The following DLGAP2 variants were observed in gnomAD, a reference collection of about 807,000 sequenced individuals.
DLGAP2 encodes the protein DLG associated protein 2.
A neutral mutation model predicts 100.3 loss-of-function variants in DLGAP2; 26 were observed. The observed-to-expected ratio is 0.26, with a 90% CI of 0.19 to 0.36. DLGAP2 has a LOEUF of 0.36. Among genes scored for constraint, DLGAP2 ranks in the 10% least tolerant of loss-of-function variants. The pLI is 1.00. For missense variants in DLGAP2, 1,858 were observed against 1,453.2 expected, an observed-to-expected ratio of 1.28 and a Z score of -4.53; for synonymous variants, 886 against 630.1, an observed-to-expected ratio of 1.41 and a Z score of -6.08.
At chr8:1,303,333 C>T (rs1297082668) in intron 3 of DLGAP2, among the ~76,000 whole-genome samples, 2 of 148,450 alleles carry the variant, frequency 1.3e-5, no homozygotes, top group Admixed American at 1.4e-4. Flanking sequence ...GGAGGCGGAG[C>T]TTGCACAGAG....
chr8:1,188,128 G>A (rs1720296032), intron 2 of DLGAP2, among the ~76,000 whole-genome samples: 4 of 139,618 alleles, frequency 2.9e-5, no homozygotes, highest in African/African-American at 5.6e-5. Flanking sequence ...TTTGCCTCAC[G>A]GAATCTCGCA....
At chr8:1,572,688 G>T (rs1357711982) in intron 6 of DLGAP2, among the ~76,000 whole-genome samples, 1 of 122,266 alleles carries the variant, frequency 8.2e-6, no homozygotes, top group Non-Finnish European at 1.7e-5. Context: ...AGAGGAGAGA[G>T]GGTGGACTGT....
At chr8:1,319,825 C>A (rs534130597) in intron 3 of DLGAP2, among the ~76,000 whole-genome samples, 1 of 152,146 alleles carries the variant, frequency 6.6e-6, no homozygotes, top group East Asian at 1.9e-4. Flanking sequence ...ACATGCCAGA[C>A]AATGGCAAGG....
At chr8:1,069,431 C>A (rs1803361354) in intron 2 of DLGAP2, among the ~76,000 whole-genome samples, 1 of 152,112 alleles carries the variant, frequency 6.6e-6, no homozygotes, top group Non-Finnish European at 1.5e-5. Context: ...TCCTCTCAGC[C>A]CTTAAGGTCA....
At position 1,678,495 on chromosome 8, in the gene DLGAP2, A is replaced by C. The variant is rs748279263; in HGVS notation, c.2570A>C (p.Glu857Ala). The C allele has an allele frequency of 6.2e-7, 1 of 1,612,714 alleles. No homozygotes were observed. The highest frequency in any genetic ancestry group is 2.2e-5 in the East Asian group (1 of 44,804). ...CTGGAGCCCGCCATCGACACGGTAGAGACTGGGAGGATGTCTCCGTGCCGC... is the reference window on the plus strand; with the variant it reads ...CTGGAGCCCGCCATCGACACGGTAGCGACTGGGAGGATGTCTCCGTGCCGC... The part of the protein sequence containing the change: ...PWLEPAIDTV[E>A]TGRMSPCRRD... Residue 857 changes from glutamate (E) to alanine (A), a missense_variant, in exon 12 of 15, where the codon GAG (glutamate) becomes GCG (alanine). Transcript: ENST00000637795.
At chr8:1,036,666 C>T (rs1379374148) in intron 2 of DLGAP2, among the ~76,000 whole-genome samples, 1 of 152,042 alleles carries the variant, frequency 6.6e-6, no homozygotes, top group Non-Finnish European at 1.5e-5. Flanking sequence ...GAACCGTGCA[C>T]CCTAGAGAGC....
intron 4 of DLGAP2, among the ~76,000 whole-genome samples, chr8:1,515,842 A>G (rs959562258): frequency 6.6e-6 from 1 of 152,218 alleles, no homozygotes; most frequent in Non-Finnish European, 1.5e-5. Context: ...GTACTGTGCT[A>G]TGGACTCTTT....
intron 3 of DLGAP2, among the ~76,000 whole-genome samples, chr8:1,328,084 G>T (rs537570376): frequency 1.3e-5 from 2 of 152,038 alleles, no homozygotes; most frequent in African/African-American, 4.8e-5. Context: ...CTGTCTCCCA[G>T]GCTGGAGTGC....
At position 1,170,504 on chromosome 8, in the gene DLGAP2, A is replaced by G. The variant is rs546925305; in HGVS notation, c.74-88347A>G. Among the ~76,000 whole-genome samples, 10 of 151,782 alleles carry G rather than the reference A, an allele frequency of 6.6e-5. 1 individual carries two copies. In the South Asian group the frequency reaches 1.5e-3, roughly 22 times the overall value. ...TCTGGTAGAATTCGGCTGTGAATCC[A>G]TCTGGTCCTGGACTCTTTTTGGTTG... On this transcript the variant is annotated intron_variant, in intron 2 of 14. Transcript: ENST00000637795.
chr8:1,439,609 C>G (rs1563150135), intron 3 of DLGAP2, among the ~76,000 whole-genome samples: 3 of 152,034 alleles, frequency 2.0e-5, no homozygotes, highest in African/African-American at 7.2e-5. Flanking sequence ...TTTTTCTAGA[C>G]AAATAGAACG....
At chr8:1,200,496 T>C (rs150523819) in intron 2 of DLGAP2, among the ~76,000 whole-genome samples, 12 of 152,292 alleles carry the variant, frequency 7.9e-5, no homozygotes, top group Non-Finnish European at 1.6e-4. Flanking sequence ...CTCGTGCTCC[T>C]CGGGGGCTGA....
chr8:1,472,690 A>G (rs1798834399), intron 3 of DLGAP2, among the ~76,000 whole-genome samples: 1 of 152,210 alleles, frequency 6.6e-6, no homozygotes, highest in African/African-American at 2.4e-5. Flanking sequence ...TGCAGCTGCC[A>G]GCCAGCCACA....
At chr8:1,451,098 A>C (rs1166599465) in intron 3 of DLGAP2, among the ~76,000 whole-genome samples, 2 of 152,012 alleles carry the variant, frequency 1.3e-5, no homozygotes, top group Admixed American at 6.5e-5. Context: ...TATCCTACTT[A>C]GTGGATTCCC....
chr8:806,269 C>CA lies in DLGAP2; in HGVS notation c.18+68445dup, dbSNP rs1173500940. ...TAATTGGAAGCAGGATCTGAGGCCT[C>CA]ACAGTTGTCATGGCGCTGGGTCTCA... On this transcript the variant is annotated intron_variant, in intron 1 of 14. Transcript: ENST00000637795. Among the ~76,000 whole-genome samples the CA allele has an allele frequency of 3.3e-5, 5 of 152,284 alleles. No individual in the cohort carries two copies. The East Asian group carries it at 9.7e-4, about 29-fold the overall frequency.
chr8:1,048,033 C>G (rs985366095), intron 2 of DLGAP2, among the ~76,000 whole-genome samples: 1 of 152,084 alleles, frequency 6.6e-6, no homozygotes, highest in African/African-American at 2.4e-5. Context: ...GGTATTTGAC[C>G]CGACTGTGTG....
At position 1,260,707 on chromosome 8, in the gene DLGAP2, C is replaced by T. The variant is rs534698487; in HGVS notation, c.106+1824C>T. Among the ~76,000 whole-genome samples, 6 of 152,294 alleles carry T rather than the reference C, an allele frequency of 3.9e-5. No individual in the cohort carries two copies. In the East Asian group the frequency reaches 5.8e-4, roughly 15 times the overall value. On this transcript the variant is annotated intron_variant, in intron 3 of 14. Coordinates refer to ENST00000637795, the MANE Select transcript of DLGAP2 (RefSeq NM_001346810.2). ...CTGAATGAAGGCTGGTAAATCTCCC[C>T]GGAGTCCTGGCTCAGGGATGGATAT...
At chr8:1,483,684 G>GGTGGGGACCAGGGAGGCAGGTGCAGAAT (rs1799165323) in intron 3 of DLGAP2, among the ~76,000 whole-genome samples, 1 of 150,816 alleles carries the variant, frequency 6.6e-6, no homozygotes, top group South Asian at 2.1e-4. Flanking sequence ...AGGTGCAGGA[G>GGTGGGGACCAGGGAGGCAGGTGCAGAAT]GTGGGGACCA....
chr8:981,928 C>T (rs951609496), intron 2 of DLGAP2, among the ~76,000 whole-genome samples: 7 of 152,348 alleles, frequency 4.6e-5, no homozygotes, highest in African/African-American at 1.4e-4. Flanking sequence ...TCCGTGCCTG[C>T]GGGTCTTCCT....
intron 1 of DLGAP2, among the ~76,000 whole-genome samples, chr8:860,561 G>A (rs1234795436): frequency 6.6e-6 from 1 of 152,170 alleles, no homozygotes; most frequent in African/African-American, 2.4e-5. Flanking sequence ...TAACACTCAT[G>A]GCAGTGACTC....
Sources: allele counts gnomAD v4.1 joint callset (sites outside exome capture counted in the v4.1 genomes callset), GRCh38; gene constraint gnomAD v4.1.1; transcripts MANE v1.5; gene names NCBI Gene and HGNC (gene_info 2026-07-23, HGNC 2026-07-21).